Variants in SPATA13 observed in about 807,000 individuals in gnomAD.
SPATA13 encodes the protein spermatogenesis-associated protein 13.
SPATA13 carries 50 observed loss-of-function variants against 104.0 expected under a neutral mutation model. The observed-to-expected ratio is 0.48, with a 90% CI of 0.38 to 0.61. The LOEUF (loss-of-function observed/expected upper bound fraction) is 0.61, where lower values mean the gene tolerates loss of function less well. Among genes scored for constraint, SPATA13 ranks in the 20% least tolerant of loss-of-function variants. The pLI, the probability that SPATA13 is intolerant of heterozygous loss-of-function variation, is 0.00. For synonymous variants in SPATA13, 606 were observed against 667.5 expected (o/e 0.91, Z 1.42); for missense variants, 1,524 against 1,690.6 (o/e 0.90, Z 1.73).
upstream of SPATA13, among the ~76,000 whole-genome samples, chr13:24,159,103 T>TA (rs200090739): frequency 0.051 from 5,350 of 104,970 alleles, 209 homozygotes; most frequent in South Asian, 0.16. Flanking sequence ...AAAGAGATAA[T>TA]AAAAAAACCC....
At chr13:24,169,131 T>C (rs1017200913) in intron 1 of SPATA13, among the ~76,000 whole-genome samples, 1 of 152,128 alleles carries the variant, frequency 6.6e-6, no homozygotes, top group Non-Finnish European at 1.5e-5. Context: ...CTGCGTGTCC[T>C]TGGGCCACGC....
chr13:24,087,842 G>T (rs1008904176), intron 3 of SPATA13, among the ~76,000 whole-genome samples: 1 of 152,144 alleles, frequency 6.6e-6, no homozygotes, highest in African/African-American at 2.4e-5. Context: ...AGCCTAGGTG[G>T]AGCTGCCTGA....
chr13:23,992,011 C>A (rs1413637038), intron 2 of SPATA13, among the ~76,000 whole-genome samples: 2 of 152,170 alleles, frequency 1.3e-5, no homozygotes, highest in Non-Finnish European at 2.9e-5. Context: ...TTACTACAAG[C>A]CAAGCCCTCT....
At chr13:24,022,362 A>G (rs1225671289) in intron 3 of SPATA13, among the ~76,000 whole-genome samples, 1 of 152,238 alleles carries the variant, frequency 6.6e-6, no homozygotes, top group Non-Finnish European at 1.5e-5. Flanking sequence ...TCTTAATTGC[A>G]GTATTCTGAA....
In SPATA13 at chr13:24,297,379, A is replaced by C; in HGVS notation, c.3227A>C (p.Asp1076Ala). ...IVGWEGLDILDRSSELIHSGE... is the reference protein window; with the variant it reads ...IVGWEGLDILARSSELIHSGE... ...TCCTTCCAGGGACTGGATATCTTAG[A>C]CCGAAGCTCAGAATTGATTCATTCT... The change falls in exon 11 of 13, where the codon GAC becomes GCC. Residue 1076 changes from aspartate to alanine, a missense_variant. Physicochemically the swap from Asp to Ala is moderately radical, Grantham distance 126 (BLOSUM62 -2). Around this residue, in one of 2 missense-constraint regions of SPATA13, gnomAD observed 435 missense variants for 554.8 expected, o/e 0.78. Coordinates refer to ENST00000382108, the MANE Select transcript of SPATA13 (RefSeq NM_001166271.3). 1 of 1,610,768 alleles carries C rather than the reference A, an allele frequency of 6.2e-7. No individual in the cohort carries two copies.
chr13:24,279,522 A>G (rs1160582279), intron 4 of SPATA13, among the ~76,000 whole-genome samples: 1 of 151,880 alleles, frequency 6.6e-6, no homozygotes, highest in East Asian at 1.9e-4. Flanking sequence ...CTGGATGGGA[A>G]CCCAGGCTTA....
chr13:24,300,997 A>C (rs1877147302), intron 12 of SPATA13, among the ~76,000 whole-genome samples: 1 of 152,152 alleles, frequency 6.6e-6, no homozygotes, highest in South Asian at 2.1e-4. Flanking sequence ...GTGATTCCCT[A>C]ATCTCCATGC....
intron 3 of SPATA13, among the ~76,000 whole-genome samples, chr13:24,095,557 G>A (rs1397586894): frequency 6.6e-6 from 1 of 152,112 alleles, no homozygotes; most frequent in Non-Finnish European, 1.5e-5. Flanking sequence ...TTTAGAAATG[G>A]TTATGATGGT....
At chr13:24,111,795 G>A (rs1439479265) in intron 3 of SPATA13, among the ~76,000 whole-genome samples, 3 of 152,170 alleles carry the variant, frequency 2.0e-5, no homozygotes, top group South Asian at 2.1e-4. Flanking sequence ...GGTCATGATA[G>A]CTATTTTAAA....
intron 1 of SPATA13, among the ~76,000 whole-genome samples, chr13:24,176,966 G>C (rs1257768822): frequency 1.3e-5 from 2 of 152,034 alleles, no homozygotes; most frequent in Admixed American, 6.5e-5. Context: ...GTTTCGTCAT[G>C]TTGGCCAGGC....
At chr13:23,988,783 A>G (rs564825790) in intron 2 of SPATA13, among the ~76,000 whole-genome samples, 112 of 152,282 alleles carry the variant, frequency 7.4e-4, no homozygotes, top group African/African-American at 2.6e-3. Context: ...TTTTACTGCA[A>G]CTATCTGTTC....
intron 3 of SPATA13, among the ~76,000 whole-genome samples, chr13:24,073,416 G>C (rs78014444): frequency 2.6e-5 from 4 of 152,334 alleles, no homozygotes; most frequent in Admixed American, 2.6e-4. Context: ...ATAAATATCT[G>C]TCTATACCTA....
intron 3 of SPATA13, among the ~76,000 whole-genome samples, chr13:24,038,722 A>C (rs1034723427): frequency 6.6e-6 from 1 of 152,184 alleles, no homozygotes; most frequent in Non-Finnish European, 1.5e-5. Context: ...AGAAACAAGC[A>C]GGGGCTGCAT....
chr13:24,248,904 G>A (rs1434473714), intron 2 of SPATA13, among the ~76,000 whole-genome samples: 1 of 143,722 alleles, frequency 7.0e-6, no homozygotes, highest in Non-Finnish European at 1.5e-5. Context: ...TTTTGAGAAA[G>A]AGCCGTGCTC....
At chr13:23,991,271 C>A (rs1875402418) in intron 2 of SPATA13, among the ~76,000 whole-genome samples, 1 of 152,178 alleles carries the variant, frequency 6.6e-6, no homozygotes, top group African/African-American at 2.4e-5. Context: ...TCGTGTCCCT[C>A]TCTGAGATGT....
intron 3 of SPATA13, among the ~76,000 whole-genome samples, chr13:24,147,986 C>T (rs1261858681): frequency 6.6e-6 from 1 of 152,020 alleles, no homozygotes; most frequent in Admixed American, 6.5e-5. Context: ...TTTTTTAATC[C>T]ATTCATCCAC....
At chr13:24,043,525 T>A (rs145778181) in intron 3 of SPATA13, among the ~76,000 whole-genome samples, 1 of 152,288 alleles carries the variant, frequency 6.6e-6, no homozygotes, top group African/African-American at 2.4e-5. Flanking sequence ...TGCACATGCA[T>A]CTTGCACACC....
At chr13:24,002,070 A>G (rs1169126974) in intron 2 of SPATA13, among the ~76,000 whole-genome samples, 2 of 152,040 alleles carry the variant, frequency 1.3e-5, no homozygotes, top group African/African-American at 4.8e-5. Flanking sequence ...AGAGGGAGTG[A>G]CGAGAGGTCA....
chr13:24,061,364 G>C (rs1329780850), intron 3 of SPATA13, among the ~76,000 whole-genome samples: 1 of 152,162 alleles, frequency 6.6e-6, no homozygotes, highest in African/African-American at 2.4e-5. Flanking sequence ...TCCCATTACT[G>C]GTTATATCCC....
Sources: gnomAD v4.1 joint callset for allele counts (sites outside exome capture counted in the v4.1 genomes callset) on GRCh38, gnomAD v4.1.1 for gene constraint, gnomAD v4.1.1 regional missense constraint, MANE v1.5 for transcripts, NCBI Gene and HGNC (gene_info 2026-07-23, HGNC 2026-07-21) for gene names.